The following DBNDD1 variants were observed in gnomAD, a reference collection of about 807,000 sequenced individuals.
DBNDD1 encodes the protein dysbindin domain containing 1.
In DBNDD1, 14 loss-of-function variants were observed where a neutral mutation model predicts 17.0. The observed-to-expected ratio is 0.82, with a 90% CI of 0.54 to 1.29. The LOEUF (loss-of-function observed/expected upper bound fraction) is 1.29. Among genes scored for constraint, DBNDD1 ranks in the 50% most tolerant of loss-of-function variants. The pLI is 0.00. For missense variants in DBNDD1, 221 were observed against 216.2 expected, an observed-to-expected ratio of 1.02 and a Z score of -0.14; for synonymous variants, 105 against 102.0, an observed-to-expected ratio of 1.03 and a Z score of -0.18.
intron 3 of DBNDD1, 74 bp from the exon 4 acceptor site, chr16:90,006,566 C>A: frequency 6.5e-7 from 1 of 1,529,382 alleles, no homozygotes; most frequent in South Asian, 1.2e-5. Flanking sequence ...CCAGGTGCCG[C>A]CGGCCTCCTG....
chr16:90,012,689 C>A (rs2035575508), intron 1 of DBNDD1, among the ~76,000 whole-genome samples: 1 of 151,852 alleles, frequency 6.6e-6, no homozygotes, highest in Admixed American at 6.6e-5. Flanking sequence ...AAACTCCTGA[C>A]CTCAGGTGAT....
At chr16:90,007,690 AT>A in intron 3 of DBNDD1, 1 of 152,424 alleles carries the variant, frequency 6.6e-6, no homozygotes, top group East Asian at 1.9e-4. Context: ...TATGATGAAA[AT>A]TCACATTCAT....
rs751826597 is a variant in DBNDD1 at position 90,009,392 on chromosome 16, C to G, written c.70G>C (p.Gly24Arg). 14 of 1,612,892 alleles carry G rather than the reference C, an allele frequency of 8.7e-6. No homozygotes were observed. The Admixed American group carries it at 1.3e-4, about 15-fold the overall frequency. The change falls in exon 2 of 4, where the codon GGC (glycine) becomes CGC (arginine). Residue 24 changes from glycine (G) to arginine (R), a missense_variant. Gly to Arg is a moderately radical substitution (Grantham distance 125, BLOSUM62 -2). Coordinates refer to ENST00000002501, the MANE Select transcript of DBNDD1 (RefSeq NM_001042610.3). Reference protein sequence around the residue: ...KEAEVPQAALGVPAQGTGDNG... With the variant: ...KEAEVPQAALRVPAQGTGDNG... ...TCCCCTGTCCCCTGGGCTGGGACGC[C>G]CAGCGCAGCCTGCGGCACCTCAGCC...
In DBNDD1 at chr16:90,005,703, T is replaced by G. The variant is rs1361452524; in HGVS notation, c.*632A>C. On this transcript the variant is annotated 3_prime_UTR_variant, in exon 4 of 4. Transcript: ENST00000002501. ...GGGCCAAGAGAAGCAGGTGCAGGTCTTAGAGCTGAGCCTTGGGGAGGGGAC... is the reference window on the plus strand; with the variant it reads ...GGGCCAAGAGAAGCAGGTGCAGGTCGTAGAGCTGAGCCTTGGGGAGGGGAC... 6.5e-6 allele frequency: 1 copy of G among 152,974 alleles called. No homozygotes were observed. The highest frequency in any genetic ancestry group is 1.5e-5 in the Non-Finnish European group (1 of 68,598). 9.5% of individuals were successfully genotyped at this position (152,974 alleles called of 1,614,324 possible). A position where few individuals can be genotyped will look rare whatever the true frequency, so the allele number is the denominator to read the frequency against.
intron 1 of DBNDD1, among the ~76,000 whole-genome samples, chr16:90,017,398 G>A (rs1213535729): frequency 6.6e-6 from 1 of 152,144 alleles, no homozygotes; most frequent in South Asian, 2.1e-4. Context: ...GGGAGGCTGA[G>A]GCAGGAGAAT....
chr16:90,008,865 G>T lies in DBNDD1; in HGVS notation c.238C>A (p.Leu80Ile). ...AGCTCCTGGTCCGACATGTCGGTGA[G>T]CTCAGTGAGGTCCAGGAGGTCGAAG... ...VHFDLLDLTE[L>I]TDMSDQELAE... The change falls in exon 3 of 4, where the codon CTC becomes ATC. Residue 80 changes from leucine to isoleucine, a missense_variant. Coordinates refer to ENST00000002501, the MANE Select transcript of DBNDD1 (RefSeq NM_001042610.3). The T allele has an allele frequency of 1.2e-6, 2 of 1,600,694 alleles. No individual in the cohort carries two copies. Among genetic ancestry groups the T allele is most frequent in the Non-Finnish European group, 8.5e-7 (1 of 1,171,962 alleles).
At chr16:90,013,213 G>A (rs2035584853) in intron 1 of DBNDD1, among the ~76,000 whole-genome samples, 1 of 133,542 alleles carries the variant, frequency 7.5e-6, no homozygotes, top group Non-Finnish European at 1.6e-5. Flanking sequence ...AGAATGCAGT[G>A]AGCTGTGATC....
At chr16:90,010,103 T>C in intron 1 of DBNDD1, 1 of 1,561,452 alleles carries the variant, frequency 6.4e-7, no homozygotes, top group Non-Finnish European at 8.8e-7. Flanking sequence ...TGGAGTGCAG[T>C]GGTGCAATCT....
chr16:90,015,005 C>A (rs201021129), intron 1 of DBNDD1, among the ~76,000 whole-genome samples: 184 of 140,330 alleles, frequency 1.3e-3, no homozygotes, highest in Admixed American at 1.4e-3. Context: ...ACTCTTGTTT[C>A]AAAAAAAAAA....
rs756411374 is a variant in DBNDD1, at chr16:90,006,335, C to T, written c.477G>A (p.Ter159=). 2 of 1,605,980 alleles carry T rather than the reference C, an allele frequency of 1.2e-6. No individual in the cohort carries two copies. The highest frequency in any genetic ancestry group is 1.7e-6 in the Non-Finnish European group (2 of 1,177,574). ...FLTVERPQED[*] is the part of the protein sequence containing the mutation. ...AGGAGCTGGGGCAGGTGGAGATGGTCTAGTCCTCCTGGGGCCTCTCCACAG... is the reference window on the plus strand; with the variant it reads ...AGGAGCTGGGGCAGGTGGAGATGGTTTAGTCCTCCTGGGGCCTCTCCACAG... The change falls in exon 4 of 4, where the codon TAG becomes TAA. Residue 159 remains the stop codon, a stop_retained_variant. Coordinates refer to ENST00000002501, the MANE Select transcript of DBNDD1 (RefSeq NM_001042610.3).
At chr16:90,009,928 T>C (rs749964458) in intron 1 of DBNDD1, 2 of 1,600,720 alleles carry the variant, frequency 1.2e-6, no homozygotes, top group Non-Finnish European at 1.7e-6. Context: ...TTCAGAATAA[T>C]ACATTCTCAT....
intron 3 of DBNDD1, chr16:90,006,780 A>G (rs2035436219): frequency 1.1e-5 from 4 of 374,960 alleles, no homozygotes; most frequent in Non-Finnish European, 2.0e-5. Flanking sequence ...TCATTAAGTG[A>G]CCCTGGTGGG....
chr16:90,006,771 C>T (rs1010656693), intron 3 of DBNDD1: 1 of 414,164 alleles, frequency 2.4e-6, no homozygotes, highest in East Asian at 3.8e-5. Flanking sequence ...CCTGTTTGGT[C>T]ATTAAGTGAC....
rs758133918 is a variant in DBNDD1, at chr16:90,008,835, C to G, written c.268G>C (p.Glu90Gln). The stretch of plus-strand genomic sequence containing the variant: ...TCGTCGTCCGAGTCAGCAAAGACCT[C>G]GGCCAGCTCCTGGTCCGACATGTCG... ...LTDMSDQELAEVFADSDDENL... is the reference protein window; with the variant it reads ...LTDMSDQELAQVFADSDDENL... The change falls in exon 3 of 4, where the codon GAG (glutamate) becomes CAG (glutamine). Residue 90 changes from glutamate to glutamine, a missense_variant. Physicochemically the swap from Glu to Gln is conservative, Grantham distance 29. Coordinates refer to ENST00000002501, the MANE Select transcript of DBNDD1 (RefSeq NM_001042610.3). The G allele has an allele frequency of 1.2e-6, 2 of 1,604,688 alleles. No homozygotes were observed. The highest frequency in any genetic ancestry group is 3.3e-5 in the Admixed American group (2 of 59,738).
rs114875348 is a variant in DBNDD1 at position 90,009,083 on chromosome 16, G to A, written c.179-159C>T. 254 of 1,186,630 alleles carry A rather than the reference G, an allele frequency of 2.1e-4. No individual in the cohort carries two copies. The African/African-American group carries it at 3.3e-3, about 16-fold the overall frequency. The allele number at this position is 1,186,630 out of a possible 1,614,324, so 73.5% of individuals were successfully genotyped here. ...ACCGGCAGGATCTGATGAGTGTTGCGTATACTCATGACTAGAAGGCTTTCA... is the reference window on the plus strand; with the variant it reads ...ACCGGCAGGATCTGATGAGTGTTGCATATACTCATGACTAGAAGGCTTTCA... On this transcript the variant is annotated intron_variant, in intron 2 of 3. Transcript: ENST00000002501.
upstream of DBNDD1, chr16:90,019,490 C>T (rs1454614152): frequency 1.1e-5 from 2 of 174,700 alleles, no homozygotes; most frequent in Middle Eastern, 2.5e-3. This position sits in a 1 kb window ranked among gnomAD's most constrained non-coding sequence, Gnocchi z 6.1. Flanking sequence ...GAGGAGCCCG[C>T]GGGGCGGGGC....
chr16:90,008,316 T>G (rs12448483), intron 3 of DBNDD1, among the ~76,000 whole-genome samples: 5 of 4,772 alleles, frequency 1.0e-3, no homozygotes, highest in African/African-American at 1.4e-3. Flanking sequence ...CTCCCAGGAC[T>G]TCCCAAGGGG....
At chr16:90,006,812 C>G (rs530086517) in intron 3 of DBNDD1, 3 of 280,478 alleles carry the variant, frequency 1.1e-5, no homozygotes, top group South Asian at 6.3e-5. Context: ...CTGTTCCCCC[C>G]GCAGGTGTCC....
chr16:90,011,990 C>G (rs1265098710), intron 1 of DBNDD1, among the ~76,000 whole-genome samples: 1 of 152,230 alleles, frequency 6.6e-6, no homozygotes, highest in Admixed American at 6.5e-5. Context: ...CCCCAGGCCC[C>G]CGCCCACAGT....
Sources: allele counts gnomAD v4.1 joint callset (sites outside exome capture counted in the v4.1 genomes callset), GRCh38; gene constraint gnomAD v4.1.1; non-coding constraint Gnocchi (gnomAD v3.1); transcripts MANE v1.5; gene names NCBI Gene and HGNC (gene_info 2026-07-23, HGNC 2026-07-21).